FHIT: variants seen among roughly 807,000 people sequenced by gnomAD.
FHIT encodes bis(5'-adenosyl)-triphosphatase.
Under a neutral mutation model 17.9 loss-of-function variants are expected in FHIT, and 19 were observed. The observed-to-expected ratio is 1.06, with a 90% CI of 0.74 to 1.56. FHIT has a LOEUF of 1.56. Ranked by LOEUF, FHIT falls within the 40% of genes most tolerant of loss-of-function variation. The pLI is 0.00. For missense variants in FHIT, 248 were observed against 189.2 expected, an observed-to-expected ratio of 1.31 and a Z score of -1.82; for synonymous variants, 81 against 69.7, an observed-to-expected ratio of 1.16 and a Z score of -0.81.
chr3:60,961,762 G>A (rs1283891229), intron 3 of FHIT, among the ~76,000 whole-genome samples: 1 of 152,090 alleles, frequency 6.6e-6, no homozygotes, highest in African/African-American at 2.4e-5. Context: ...TATTTCTGAG[G>A]GCTCTGTTCT....
chr3:60,462,277 G>A (rs771888772), intron 5 of FHIT, among the ~76,000 whole-genome samples: 7 of 152,132 alleles, frequency 4.6e-5, no homozygotes, highest in African/African-American at 7.2e-5. Context: ...TTAAGAATGA[G>A]GTACAGTGAT....
At chr3:60,119,147 C>T (rs972817478) in intron 5 of FHIT, among the ~76,000 whole-genome samples, 1 of 151,950 alleles carries the variant, frequency 6.6e-6, no homozygotes, top group African/African-American at 2.4e-5. Context: ...AATCTCAGCT[C>T]ACTGCAATCT....
intron 2 of FHIT, among the ~76,000 whole-genome samples, chr3:61,110,720 G>A (rs566046386): frequency 6.6e-6 from 1 of 152,188 alleles, no homozygotes; most frequent in East Asian, 1.9e-4. Context: ...AAGGAAGAAG[G>A]CTCTGCATCT....
chr3:60,865,697 C>T (rs1704127001), intron 3 of FHIT, among the ~76,000 whole-genome samples: 1 of 152,116 alleles, frequency 6.6e-6, no homozygotes, highest in Admixed American at 6.6e-5. Context: ...CTACTTAAGG[C>T]TCATGACTCC....
At chr3:60,439,460 C>T (rs148083926) in intron 5 of FHIT, among the ~76,000 whole-genome samples, 1 of 152,184 alleles carries the variant, frequency 6.6e-6, no homozygotes, top group African/African-American at 2.4e-5. Context: ...TCTCTAGCAA[C>T]ACAAGCTCTA....
In FHIT at chr3:60,877,279, C is replaced by G. The variant is rs374536624; in HGVS notation, c.-110-55268G>C. 2.0e-4 allele frequency among the ~76,000 whole-genome samples: 31 copies of G among 152,318 alleles called. No homozygotes were observed. The South Asian group carries it at 6.4e-3, about 32-fold the overall frequency. Reference sequence around the variant, plus strand: ...TAAGGCTAAGCTGCCTCCAAACCACCCCAAACCAGTGGCCACAGCCAAGCT... The same window carrying G: ...TAAGGCTAAGCTGCCTCCAAACCACGCCAAACCAGTGGCCACAGCCAAGCT... On this transcript the variant is annotated intron_variant, in intron 3 of 9. Transcript: ENST00000492590.
intron 1 of FHIT, among the ~76,000 whole-genome samples, chr3:61,204,371 C>T (rs1000725957): frequency 1.3e-5 from 2 of 152,094 alleles, no homozygotes; most frequent in Non-Finnish European, 2.9e-5. Flanking sequence ...TGTATATGTA[C>T]ACTTGCACAA....
intron 8 of FHIT, among the ~76,000 whole-genome samples, chr3:59,919,792 G>A (rs370563718): frequency 6.6e-6 from 1 of 152,202 alleles, no homozygotes; most frequent in Non-Finnish European, 1.5e-5. Context: ...TCTAGAGCAA[G>A]TGCTCCCATC....
intron 1 of FHIT, among the ~76,000 whole-genome samples, chr3:61,232,078 T>C (rs752995069): frequency 1.3e-5 from 2 of 152,170 alleles, no homozygotes; most frequent in African/African-American, 4.8e-5. Context: ...ACTGTCCATA[T>C]GTAAAAGTTA....
chr3:60,586,293 T>C (rs548322622), intron 4 of FHIT, among the ~76,000 whole-genome samples: 2 of 152,150 alleles, frequency 1.3e-5, no homozygotes, highest in African/African-American at 2.4e-5. Context: ...CCCAGTCTAT[T>C]TGATAGTTTC....
At chr3:59,929,480 C>A (rs145440064) in intron 7 of FHIT, among the ~76,000 whole-genome samples, 1 of 147,660 alleles carries the variant, frequency 6.8e-6, no homozygotes. Flanking sequence ...AAGCGATTCT[C>A]CTGACTCAGC....
intron 5 of FHIT, among the ~76,000 whole-genome samples, chr3:60,186,743 G>T (rs1336156631): frequency 6.6e-6 from 1 of 152,102 alleles, no homozygotes; most frequent in Non-Finnish European, 1.5e-5. Context: ...AGAAATTAGA[G>T]CAGAAGAGCT....
At chr3:59,980,464 C>A (rs780589154) in intron 7 of FHIT, among the ~76,000 whole-genome samples, 9 of 152,120 alleles carry the variant, frequency 5.9e-5, no homozygotes, top group Non-Finnish European at 1.2e-4. Context: ...TATAATTAGC[C>A]CTCATTCTAC....
At chr3:60,643,235 C>A (rs2039770564) in intron 4 of FHIT, among the ~76,000 whole-genome samples, 1 of 152,028 alleles carries the variant, frequency 6.6e-6, no homozygotes, top group South Asian at 2.1e-4. Flanking sequence ...ATTTTGTTTT[C>A]TTTCCCCCAC....
chr3:60,084,797 T>C (rs953381426), intron 5 of FHIT, among the ~76,000 whole-genome samples: 1 of 152,172 alleles, frequency 6.6e-6, no homozygotes, highest in Non-Finnish European at 1.5e-5. Flanking sequence ...TGAAATTCAA[T>C]GAAACAAGGC....
chr3:60,906,797 T>A (rs782590083), intron 3 of FHIT, among the ~76,000 whole-genome samples: 1 of 152,172 alleles, frequency 6.6e-6, no homozygotes, highest in African/African-American at 2.4e-5. Context: ...TATGCTGTAT[T>A]TCAATATGAA....
At chr3:60,441,757 A>ATTTATATATATATATTT (rs1336572305) in intron 5 of FHIT, among the ~76,000 whole-genome samples, 2 of 55,940 alleles carry the variant, frequency 3.6e-5, no homozygotes, top group African/African-American at 9.8e-5. Context: ...TATATATAAA[A>ATTTATATATATATATTT]ATATATATAT....
intron 5 of FHIT, among the ~76,000 whole-genome samples, chr3:60,441,243 C>A (rs1033993120): frequency 6.6e-6 from 1 of 152,102 alleles, no homozygotes; most frequent in Non-Finnish European, 1.5e-5. Context: ...CCTTTGCCCT[C>A]TTCAGATTCC....
intron 5 of FHIT, among the ~76,000 whole-genome samples, chr3:60,287,410 C>T (rs1707776422): frequency 1.3e-5 from 2 of 152,116 alleles, no homozygotes; most frequent in Non-Finnish European, 2.9e-5. Context: ...CTCAGGTGAC[C>T]TGCTGGCCTC....
Sources: allele counts gnomAD v4.1 joint callset (sites outside exome capture counted in the v4.1 genomes callset), GRCh38; gene constraint gnomAD v4.1.1; transcripts MANE v1.5; gene names NCBI Gene and HGNC (gene_info 2026-07-23, HGNC 2026-07-21).